The following BRIP1 variants were observed in gnomAD, a reference collection of about 807,000 sequenced individuals.
BRIP1 encodes BRCA1 interacting DNA helicase 1.
Under a neutral mutation model 119.7 loss-of-function variants are expected in BRIP1, and 88 were observed. The ratio of observed to expected loss-of-function variants is 0.74; its 90% CI spans 0.62 to 0.88. The LOEUF (loss-of-function observed/expected upper bound fraction) is 0.88, where lower values mean the gene tolerates loss of function less well. Among genes scored for constraint, BRIP1 ranks in the 40% least tolerant of loss-of-function variants. The pLI, the probability that BRIP1 is intolerant of heterozygous loss-of-function variation, is 0.00. For missense variants in BRIP1, 1,259 were observed against 1,455.4 expected (o/e 0.87, Z 2.20); for synonymous variants, 443 against 496.5 (o/e 0.89, Z 1.43).
Position 61,745,454 on chromosome 17 carries a change from G to A in BRIP1, c.2098-863C>T, listed in dbSNP as rs929773878. Among the ~76,000 whole-genome samples the A allele has an allele frequency of 2.6e-5, 4 of 152,056 alleles. No homozygotes were observed. The highest frequency in any genetic ancestry group is 4.8e-5 in the African/African-American group (2 of 41,410). ...CAAGATCATAGCTCAGTGCAGCCTCGAACTACTAGGCTCAGGCAATCCCTC... is the reference window on the plus strand; with the variant it reads ...CAAGATCATAGCTCAGTGCAGCCTCAAACTACTAGGCTCAGGCAATCCCTC... On this transcript the variant is annotated intron_variant, in intron 14 of 19. Coordinates refer to ENST00000259008, the MANE Select transcript of BRIP1 (RefSeq NM_032043.3). The surrounding 1 kb of genome is among the most constrained non-coding windows in gnomAD (Gnocchi z 4.4).
rs1327262855 is a variant in BRIP1, at chr17:61,742,188, T to C, written c.2379+825A>G. Among the ~76,000 whole-genome samples the C allele has an allele frequency of 6.6e-6, 1 of 152,250 alleles. No individual in the cohort carries two copies. The highest frequency in any genetic ancestry group is 1.5e-5 in the Non-Finnish European group (1 of 68,040). Reference sequence around the variant, plus strand: ...AGCTTCAAACTTTTCTGCAGCCTCCTCACCTCTCTCAGCTTTCACAGAATT... The same window carrying C: ...AGCTTCAAACTTTTCTGCAGCCTCCCCACCTCTCTCAGCTTTCACAGAATT... On this transcript the variant is annotated intron_variant, in intron 16 of 19. Coordinates refer to ENST00000259008, the MANE Select transcript of BRIP1 (RefSeq NM_032043.3). This position sits in a 1 kb window ranked among gnomAD's most constrained non-coding sequence, Gnocchi z 4.7.
At chr17:61,721,639 A>C (rs1230323348) in intron 16 of BRIP1, among the ~76,000 whole-genome samples, 1 of 151,350 alleles carries the variant, frequency 6.6e-6, no homozygotes, top group Non-Finnish European at 1.5e-5. Flanking sequence ...AAATTTCTAA[A>C]ATGAAACTTT....
At chr17:61,820,854 G>A (rs895383602) in intron 6 of BRIP1, among the ~76,000 whole-genome samples, 2 of 152,020 alleles carry the variant, frequency 1.3e-5, no homozygotes, top group African/African-American at 4.8e-5. Context: ...GGAGGCTGGG[G>A]CAGGAGAATC....
rs2077391787 is a variant in BRIP1 at position 61,767,656 on chromosome 17, C to T, written c.2097+8745G>A. 6.6e-6 allele frequency among the ~76,000 whole-genome samples: 1 copy of T among 152,062 alleles called. No individual in the cohort carries two copies. Among genetic ancestry groups the T allele is most frequent in the Non-Finnish European group, 1.5e-5 (1 of 68,022 alleles). On this transcript the variant is annotated intron_variant, in intron 14 of 19. Coordinates refer to ENST00000259008, the MANE Select transcript of BRIP1 (RefSeq NM_032043.3). The surrounding 1 kb of genome is among the most constrained non-coding windows in gnomAD (Gnocchi z 5.7). Reference sequence around the variant, plus strand: ...TGTTGCCCAACCTGATGTCAAACTCCTGAGCTCAGGCAATCCACCCACCTT... The same window carrying T: ...TGTTGCCCAACCTGATGTCAAACTCTTGAGCTCAGGCAATCCACCCACCTT...
rs1331285488 is a variant in BRIP1, at chr17:61,752,948, C to A, written c.2098-8357G>T. Among the ~76,000 whole-genome samples the A allele has an allele frequency of 6.6e-6, 1 of 152,074 alleles. No homozygotes were observed. The highest frequency in any genetic ancestry group is 1.9e-4 in the East Asian group (1 of 5,198). On this transcript the variant is annotated intron_variant, in intron 14 of 19. Coordinates refer to ENST00000259008, the MANE Select transcript of BRIP1 (RefSeq NM_032043.3). This position sits in a 1 kb window ranked among gnomAD's most constrained non-coding sequence, Gnocchi z 6.2. The stretch of plus-strand genomic sequence containing the variant: ...CTATGTTTTGAACATTTGTCCTCTC[C>A]AAAATGTTGAAATTTAATCTCTAAT...
rs1393569945 is a variant in BRIP1 at position 61,734,891 on chromosome 17, A to T, written c.2379+8122T>A. Among the ~76,000 whole-genome samples, 1 of 152,188 alleles carries T rather than the reference A, an allele frequency of 6.6e-6. No homozygotes were observed. Among genetic ancestry groups the T allele is most frequent in the Non-Finnish European group, 1.5e-5 (1 of 68,032 alleles). On this transcript the variant is annotated intron_variant, in intron 16 of 19. Transcript: ENST00000259008. The surrounding 1 kb of genome is among the most constrained non-coding windows in gnomAD (Gnocchi z 5.2). The stretch of plus-strand genomic sequence containing the variant: ...CTCAAATCACTTTTCTGACTCAATG[A>T]TCTTAACCTTTTTAAATATGAAGTC...
At position 61,693,785 on chromosome 17, in the gene BRIP1, C is replaced by A. The variant is rs1343002440; in HGVS notation, c.2493-273G>T. 1.3e-5 allele frequency among the ~76,000 whole-genome samples: 2 copies of A among 152,034 alleles called. No homozygotes were observed. Among genetic ancestry groups the A allele is most frequent in the African/African-American group, 4.8e-5 (2 of 41,426 alleles). ...AATTATAGAAAATATATTCTAAGAT[C>A]TTTCTTAGCCACATAGACTGTTTTC... On this transcript the variant is annotated intron_variant, in intron 17 of 19. Transcript: ENST00000259008. This position sits in a 1 kb window ranked among gnomAD's most constrained non-coding sequence, Gnocchi z 4.2.
intron 6 of BRIP1, 43 bp downstream of exon 6, chr17:61,847,058 A>T (rs370591395): frequency 1.2e-6 from 2 of 1,611,624 alleles, no homozygotes; most frequent in Non-Finnish European, 1.7e-6. Flanking sequence ...AGAAAATTCC[A>T]TATCTTCCTT....
At chr17:61,837,490 T>A (rs1769008990) in intron 6 of BRIP1, among the ~76,000 whole-genome samples, 1 of 152,074 alleles carries the variant, frequency 6.6e-6, no homozygotes, top group South Asian at 2.1e-4. Flanking sequence ...CTACATTAAA[T>A]CAAATATAAT....
In BRIP1 at chr17:61,699,873, C is replaced by G. The variant is rs1205010276; in HGVS notation, c.2493-6361G>C. On this transcript the variant is annotated intron_variant, in intron 17 of 19. Transcript: ENST00000259008. The surrounding 1 kb of genome is among the most constrained non-coding windows in gnomAD (Gnocchi z 4.8). ...TATATGACCAGCCCCAGTAAAATCC[C>G]TGGGTGCTAATGAGTTCCTCTGATT... 6.6e-6 allele frequency among the ~76,000 whole-genome samples: 1 copy of G among 152,174 alleles called. No individual in the cohort carries two copies. Among genetic ancestry groups the G allele is most frequent in the East Asian group, 1.9e-4 (1 of 5,196 alleles).
rs527282726 is a variant in BRIP1, at chr17:61,729,009, G to GAGGACGGGCGGCTGTAA, written c.2380-12963_2380-12947dup. On this transcript the variant is annotated intron_variant, in intron 16 of 19. Transcript: ENST00000259008. This position sits in a 1 kb window ranked among gnomAD's most constrained non-coding sequence, Gnocchi z 5.6. ...CAACCCTAAAGTTCAAAACAGAAAG[G>GAGGACGGGCGGCTGTAA]AGGACGGGCGGCTGTAACCCCAGCA... Among the ~76,000 whole-genome samples, 4,093 of 152,190 alleles carry GAGGACGGGCGGCTGTAA rather than the reference G, an allele frequency of 0.027. 84 individuals are homozygous for GAGGACGGGCGGCTGTAA. Among genetic ancestry groups the GAGGACGGGCGGCTGTAA allele is most frequent in the Admixed American group, 0.039 (600 of 15,282 alleles).
rs1315524854 is a variant in BRIP1 at position 61,735,718 on chromosome 17, C to G, written c.2379+7295G>C. 2.0e-5 allele frequency among the ~76,000 whole-genome samples: 3 copies of G among 151,554 alleles called. No individual in the cohort carries two copies. The East Asian group carries it at 5.9e-4, about 30-fold the overall frequency. The stretch of plus-strand genomic sequence containing the variant: ...CAGGAGGCTGAGGTGGGAGGATCAC[C>G]TGAGCCCGAGAGGCCAAGGCTGCAG... On this transcript the variant is annotated intron_variant, in intron 16 of 19. Transcript: ENST00000259008. This position sits in a 1 kb window ranked among gnomAD's most constrained non-coding sequence, Gnocchi z 4.4.
chr17:61,792,717 A>C (rs1473735901), intron 10 of BRIP1, among the ~76,000 whole-genome samples: 13 of 152,186 alleles, frequency 8.5e-5, no homozygotes, highest in Admixed American at 8.5e-4. Context: ...GAAGATTTTT[A>C]GGACAGTGAA....
intron 6 of BRIP1, among the ~76,000 whole-genome samples, chr17:61,835,298 A>AT (rs1449655467): frequency 6.6e-6 from 1 of 152,196 alleles, no homozygotes; most frequent in Non-Finnish European, 1.5e-5. Context: ...TTGGAGATAA[A>AT]TAGTTACAGG....
In BRIP1 at chr17:61,807,351, T is replaced by G. The variant is rs531724145; in HGVS notation, c.918+1116A>C. On this transcript the variant is annotated intron_variant, in intron 7 of 19. Transcript: ENST00000259008. This position sits in a 1 kb window ranked among gnomAD's most constrained non-coding sequence, Gnocchi z 4.5. The stretch of plus-strand genomic sequence containing the variant: ...TGGAAATAAATATGACTGTAGGATT[T>G]CAACAATGACTTTGATTCAGTAATT... Among the ~76,000 whole-genome samples, 1 of 152,354 alleles carries G rather than the reference T, an allele frequency of 6.6e-6. No homozygotes were observed. The highest frequency in any genetic ancestry group is 2.1e-4 in the South Asian group (1 of 4,828).
chr17:61,812,075 A>G (rs1337371129), intron 6 of BRIP1, among the ~76,000 whole-genome samples: 1 of 152,198 alleles, frequency 6.6e-6, no homozygotes, highest in Non-Finnish European at 1.5e-5. Context: ...CTGTACCAAA[A>G]TCAGCAACTT....
In BRIP1 at chr17:61,825,574, G is replaced by C. The variant is rs1039832044; in HGVS notation, c.628-16817C>G. Among the ~76,000 whole-genome samples, 1 of 151,010 alleles carries C rather than the reference G, an allele frequency of 6.6e-6. No individual in the cohort carries two copies. The highest frequency in any genetic ancestry group is 1.5e-5 in the Non-Finnish European group (1 of 67,848). ...CTGACATTCCAATTCACCATCAACT[G>C]TCAAGCTGAGAGCCAAATCAGGAAT... On this transcript the variant is annotated intron_variant, in intron 6 of 19. Transcript: ENST00000259008. The surrounding 1 kb of genome is among the most constrained non-coding windows in gnomAD (Gnocchi z 4.1).
chr17:61,801,732 A>C (rs928402725), intron 7 of BRIP1, among the ~76,000 whole-genome samples: 1 of 152,140 alleles, frequency 6.6e-6, no homozygotes, highest in African/African-American at 2.4e-5. Context: ...ACTTGAAAAA[A>C]ATTTCTTTTA....
intron 8 of BRIP1, among the ~76,000 whole-genome samples, chr17:61,800,965 A>T (rs2077980016): frequency 6.6e-6 from 1 of 152,198 alleles, no homozygotes; most frequent in Non-Finnish European, 1.5e-5. Flanking sequence ...TTTTCAGAGA[A>T]ATGTTTCTAA....
Sources: allele counts gnomAD v4.1 joint callset (sites outside exome capture counted in the v4.1 genomes callset), GRCh38; gene constraint gnomAD v4.1.1; non-coding constraint Gnocchi (gnomAD v3.1); transcripts MANE v1.5; gene names NCBI Gene and HGNC (gene_info 2026-07-23, HGNC 2026-07-21).